The following LIN7C variants were observed in gnomAD, a reference collection of about 807,000 sequenced individuals.
LIN7C encodes lin-7 cell polarity scaffold C.
Under a neutral mutation model 24.7 loss-of-function variants are expected in LIN7C, and 17 were observed. That is an observed-to-expected ratio of 0.69 (90% confidence interval 0.47 to 1.03). The LOEUF (loss-of-function observed/expected upper bound fraction) is 1.03. Ranked by LOEUF, LIN7C falls within the 50% of genes least tolerant of loss-of-function variation. The pLI is 0.00. For missense variants in LIN7C, 204 were observed against 239.0 expected (o/e 0.85, Z 0.97); for synonymous variants, 90 against 83.4 (o/e 1.08, Z -0.43).
chr11:27,502,401 A>G (rs1200845348), intron 1 of LIN7C, among the ~76,000 whole-genome samples: 7 of 152,220 alleles, frequency 4.6e-5, no homozygotes, highest in African/African-American at 1.7e-4. Flanking sequence ...CATTCCTCGA[A>G]AGAAACATGA....
At position 27,499,444 on chromosome 11, in the gene LIN7C, T is replaced by G; in HGVS notation, c.353A>C (p.Tyr118Ser). 1 of 1,614,164 alleles carries G rather than the reference T, an allele frequency of 6.2e-7. No homozygotes were observed. Among genetic ancestry groups the G allele is most frequent in the Non-Finnish European group, 8.5e-7 (1 of 1,180,030 alleles). The change falls in exon 4 of 5, where the codon TAT becomes TCT. Residue 118 changes from tyrosine (Y) to serine (S), a missense_variant. By Grantham distance (144) the Tyr-to-Ser change is moderately radical. This residue lies in a region of LIN7C where 74 missense variants were observed against 99.6 expected (regional missense o/e 0.74). Coordinates refer to ENST00000278193, the MANE Select transcript of LIN7C (RefSeq NM_018362.4). ...TCCACCTGGAATTATTCGGGATATA[T>G]AGATTGGAGAGTTTTGTTCTTTGCC... ...MGGKEQNSPI[Y>S]ISRIIPGGIA...
At chr11:27,501,113 A>C (rs1865220802) in intron 3 of LIN7C, among the ~76,000 whole-genome samples, 1 of 152,156 alleles carries the variant, frequency 6.6e-6, no homozygotes, top group Non-Finnish European at 1.5e-5. Flanking sequence ...AAATCACCTC[A>C]TGCTTCCTCA....
At position 27,495,432 on chromosome 11, in the gene LIN7C, C is replaced by A; in HGVS notation, c.*3217G>T. ...AGGCTGAAGTGAGCCGAGATCACAC[C>A]ACTGCACGCCAGCCTGGGCAACAGA... On this transcript the variant is annotated 3_prime_UTR_variant, in exon 5 of 5. Coordinates refer to ENST00000278193, the MANE Select transcript of LIN7C (RefSeq NM_018362.4). 6.6e-6 allele frequency: 1 copy of A among 151,852 alleles called. No homozygotes were observed. The allele number at this position is 151,852 out of a possible 1,614,324, so 9.4% of individuals were successfully genotyped here.
rs1865188448 is a variant in LIN7C at position 27,498,142 on chromosome 11, T to C, written c.*507A>G. The C allele has an allele frequency of 6.5e-6, 1 of 152,754 alleles. No homozygotes were observed. Among genetic ancestry groups the C allele is most frequent in the African/African-American group, 2.4e-5 (1 of 41,452 alleles). 9.5% of individuals were successfully genotyped at this position (152,754 alleles called of 1,614,324 possible). On this transcript the variant is annotated 3_prime_UTR_variant, in exon 5 of 5. Transcript: ENST00000278193. Reference sequence around the variant, plus strand: ...TTCAAAGTACAAAATGCAGCAATGATGTTAACATTGACAGTGTAATGAACT... The same window carrying C: ...TTCAAAGTACAAAATGCAGCAATGACGTTAACATTGACAGTGTAATGAACT...
chr11:27,502,126 C>A (rs1387413562), intron 1 of LIN7C, among the ~76,000 whole-genome samples: 1 of 152,082 alleles, frequency 6.6e-6, no homozygotes, highest in Non-Finnish European at 1.5e-5. Flanking sequence ...TGTAAGAACA[C>A]TAAATTTTAC....
intron 1 of LIN7C, among the ~76,000 whole-genome samples, chr11:27,505,574 C>T (rs763215197): frequency 6.6e-6 from 1 of 152,174 alleles, no homozygotes; most frequent in Non-Finnish European, 1.5e-5. Flanking sequence ...TACAGTGAGG[C>T]TTCCAAATGG....
intron 1 of LIN7C, among the ~76,000 whole-genome samples, chr11:27,503,267 C>T (rs1279371391): frequency 3.3e-5 from 5 of 152,182 alleles, no homozygotes; most frequent in African/African-American, 1.2e-4. Flanking sequence ...TTAGAAGATT[C>T]AGGAAGTCAG....
chr11:27,499,616 G>T, intron 3 of LIN7C, 48 bp from the exon 4 acceptor site: 1 of 1,519,198 alleles, frequency 6.6e-7, no homozygotes, highest in South Asian at 1.1e-5. Context: ...ATTTACTTCA[G>T]TTCTTTCATC....
rs1461034901 is a variant in LIN7C at position 27,499,401 on chromosome 11, C to A, written c.396G>T (p.Gly132=). 6.2e-7 allele frequency: 1 copy of A among 1,613,968 alleles called. No homozygotes were observed. Among genetic ancestry groups the A allele is most frequent in the South Asian group, 1.1e-5 (1 of 91,042 alleles). Residue 132 remains glycine (G), a synonymous_variant, in exon 4 of 5, where the codon GGG becomes GGT. Coordinates refer to ENST00000278193, the MANE Select transcript of LIN7C (RefSeq NM_018362.4). ...GGAGTTGATCTCCACGTTTGAGGCC[C>A]CCATGTCTATCAGCAATTCCACCTG... ...IIPGGIADRH[G]GLKRGDQLLS...
chr11:27,497,082 A>G lies in LIN7C; in HGVS notation c.*1567T>C, dbSNP rs1213423478. 6.5e-6 allele frequency: 1 copy of G among 152,714 alleles called. No individual in the cohort carries two copies. Among genetic ancestry groups the G allele is most frequent in the East Asian group, 1.9e-4 (1 of 5,190 alleles). 9.5% of individuals were successfully genotyped at this position (152,714 alleles called of 1,614,324 possible). A position where few individuals can be genotyped will look rare whatever the true frequency, so the allele number is the denominator to read the frequency against. On this transcript the variant is annotated 3_prime_UTR_variant, in exon 5 of 5. Coordinates refer to ENST00000278193, the MANE Select transcript of LIN7C (RefSeq NM_018362.4). The stretch of plus-strand genomic sequence containing the variant: ...ACAAGCACATTTTGTAGTGGATTAA[A>G]GACACATTCAACCATGCAATCCAGT...
In LIN7C at chr11:27,495,789, T is replaced by C. The variant is rs1048963797; in HGVS notation, c.*2860A>G. 7 of 151,270 alleles carry C rather than the reference T, an allele frequency of 4.6e-5. No homozygotes were observed. The highest frequency in any genetic ancestry group is 8.9e-5 in the Non-Finnish European group (6 of 67,740). 9.4% of individuals were successfully genotyped at this position (151,270 alleles called of 1,614,324 possible). A position where few individuals can be genotyped will look rare whatever the true frequency, so the allele number is the denominator to read the frequency against. On this transcript the variant is annotated 3_prime_UTR_variant, in exon 5 of 5. Transcript: ENST00000278193. Reference sequence around the variant, plus strand: ...GATAAGACTGTAATTACTTCCCAAATAAGGAATGCCAAGTACCTTTTATTC... The same window carrying C: ...GATAAGACTGTAATTACTTCCCAAACAAGGAATGCCAAGTACCTTTTATTC...
Position 27,499,710 on chromosome 11 carries a change from C to T in LIN7C, c.229-142G>A, listed in dbSNP as rs1033325408. 19 of 705,692 alleles carry T rather than the reference C, an allele frequency of 2.7e-5. 1 individual carries two copies. In the South Asian group the frequency reaches 3.2e-4, roughly 12 times the overall value. The allele number at this position is 705,692 out of a possible 1,614,324, so 43.7% of individuals were successfully genotyped here. On this transcript the variant is annotated intron_variant, in intron 3 of 4. Coordinates refer to ENST00000278193, the MANE Select transcript of LIN7C (RefSeq NM_018362.4). ...TGATCTTGGCTCACTGCAAGCTCCA[C>T]CTCCTGGCTTCACGCCATTCTCCTG...
At position 27,495,570 on chromosome 11, in the gene LIN7C, G is replaced by A. The variant is rs957623865; in HGVS notation, c.*3079C>T. On this transcript the variant is annotated 3_prime_UTR_variant, in exon 5 of 5. Transcript: ENST00000278193. Reference sequence around the variant, plus strand: ...CTAGTATTATACTAACAAATGAAGTGCCCACATTAAGACAGTACATAATTA... The same window carrying A: ...CTAGTATTATACTAACAAATGAAGTACCCACATTAAGACAGTACATAATTA... 6.7e-4 allele frequency: 101 copies of A among 151,656 alleles called. No homozygotes were observed. Among genetic ancestry groups the A allele is most frequent in the African/African-American group, 2.4e-3 (98 of 41,274 alleles). 9.4% of individuals were successfully genotyped at this position (151,656 alleles called of 1,614,324 possible).
At chr11:27,505,836 A>T (rs1865280550) in intron 1 of LIN7C, among the ~76,000 whole-genome samples, 1 of 152,194 alleles carries the variant, frequency 6.6e-6, no homozygotes, top group African/African-American at 2.4e-5. Context: ...AATGATTTCT[A>T]ATGCTGGTGT....
chr11:27,503,541 T>A (rs1352449625), intron 1 of LIN7C, among the ~76,000 whole-genome samples: 2 of 152,158 alleles, frequency 1.3e-5, no homozygotes, highest in African/African-American at 4.8e-5. Flanking sequence ...TGAGATGGAG[T>A]CTCACTCTGT....
At position 27,495,922 on chromosome 11, in the gene LIN7C, A is replaced by G. The variant is rs986938928; in HGVS notation, c.*2727T>C. 1.3e-4 allele frequency: 20 copies of G among 151,992 alleles called. No individual in the cohort carries two copies. Among genetic ancestry groups the G allele is most frequent in the African/African-American group, 4.1e-4 (17 of 41,460 alleles). 9.4% of individuals were successfully genotyped at this position (151,992 alleles called of 1,614,324 possible). On this transcript the variant is annotated 3_prime_UTR_variant, in exon 5 of 5. Coordinates refer to ENST00000278193, the MANE Select transcript of LIN7C (RefSeq NM_018362.4). ...TTTCAGGCTGCAGTGAGCTATGATC[A>G]CACCACTGTGTTCCAGCCTGGGAGA...
Position 27,496,338 on chromosome 11 carries a change from T to G in LIN7C, c.*2311A>C, listed in dbSNP as rs1387193309. 1 of 152,170 alleles carries G rather than the reference T, an allele frequency of 6.6e-6. No individual in the cohort carries two copies. The highest frequency in any genetic ancestry group is 1.5e-5 in the Non-Finnish European group (1 of 68,030). The allele number at this position is 152,170 out of a possible 1,614,324, so 9.4% of individuals were successfully genotyped here. ...ATAATTTATATTTGTAATTTACAAA[T>G]CAAACATCTATCATACACTTACTAT... On this transcript the variant is annotated 3_prime_UTR_variant, in exon 5 of 5. Transcript: ENST00000278193.
Position 27,498,737 on chromosome 11 carries a change from A to G in LIN7C, c.506T>C (p.Leu169Ser). Residue 169 changes from leucine to serine, a missense_variant, in exon 5 of 5, where the codon TTA becomes TCA. Leu to Ser is a moderately radical substitution (Grantham distance 145, BLOSUM62 -2). Coordinates refer to ENST00000278193, the MANE Select transcript of LIN7C (RefSeq NM_018362.4). ...GACTTTGGGTGTGTATCGTACCACT[A>G]ATTTAACCTTTCCTTGTGCGGCTTT... ...LLKAAQGKVKLVVRYTPKVLE... is the reference protein window; with the variant it reads ...LLKAAQGKVKSVVRYTPKVLE... 2 of 1,614,026 alleles carry G rather than the reference A, an allele frequency of 1.2e-6. No homozygotes were observed. Among genetic ancestry groups the G allele is most frequent in the Non-Finnish European group, 1.7e-6 (2 of 1,179,924 alleles).
chr11:27,498,904 T>C, intron 4 of LIN7C, 100 bp from the exon 5 acceptor site: 1 of 997,922 alleles, frequency 1.0e-6, no homozygotes. Context: ...AAGAAAAGTT[T>C]TAATGTTATA....
Sources: allele counts gnomAD v4.1 joint callset (sites outside exome capture counted in the v4.1 genomes callset), GRCh38; gene constraint gnomAD v4.1.1; regional missense constraint gnomAD v4.1.1; transcripts MANE v1.5; gene names NCBI Gene and HGNC (gene_info 2026-07-23, HGNC 2026-07-21).